MACROD2: variants seen among roughly 807,000 people sequenced by gnomAD.
MACROD2 encodes mono-ADP ribosylhydrolase 2, also known as ADP-ribose glycohydrolase MACROD2.
A neutral mutation model predicts 70.4 loss-of-function variants in MACROD2; 36 were observed. The observed-to-expected ratio is 0.51, with a 90% CI of 0.39 to 0.68. The LOEUF (loss-of-function observed/expected upper bound fraction) is 0.68, where lower values mean the gene tolerates loss of function less well. MACROD2 is among the 30% of genes least tolerant of loss of function. MACROD2 has a pLI of 0.00. For synonymous variants in MACROD2, 172 were observed against 178.8 expected, an observed-to-expected ratio of 0.96 and a Z score of 0.30; for missense variants, 496 against 538.4, an observed-to-expected ratio of 0.92 and a Z score of 0.78.
At chr20:15,283,601 G>C (rs1043201151) in intron 6 of MACROD2, among the ~76,000 whole-genome samples, 1 of 152,110 alleles carries the variant, frequency 6.6e-6, no homozygotes, top group African/African-American at 2.4e-5. Context: ...GAACCTGGGA[G>C]GCAGAGGTTG....
At chr20:15,770,489 A>G (rs570639317) in intron 8 of MACROD2, among the ~76,000 whole-genome samples, 61 of 152,066 alleles carry the variant, frequency 4.0e-4, no homozygotes, top group Non-Finnish European at 7.5e-4. Context: ...CTCTGACTCT[A>G]TTACAGCTTT....
At position 14,702,676 on chromosome 20, in the gene MACROD2, C is replaced by T. The variant is rs1047446067; in HGVS notation, c.418+17717C>T. 7.3e-4 allele frequency among the ~76,000 whole-genome samples: 50 copies of T among 68,482 alleles called. 4 individuals carry two copies. The highest frequency in any genetic ancestry group is 2.6e-3 in the African/African-American group (45 of 17,440). The allele number at this position is 68,482 out of a possible 152,430, so 44.9% of individuals were successfully genotyped here. A position where few individuals can be genotyped will look rare whatever the true frequency, so the allele number is the denominator to read the frequency against. On this transcript the variant is annotated intron_variant, in intron 5 of 17. Transcript: ENST00000684519. ...ACATATATATGTGTATATATATATA[C>T]ACATATATGTGTATATATATGTATA...
chr20:14,523,051 A>G (rs1386337971), intron 4 of MACROD2, among the ~76,000 whole-genome samples: 3 of 152,094 alleles, frequency 2.0e-5, no homozygotes, highest in Non-Finnish European at 4.4e-5. Flanking sequence ...TGCTAAAAAT[A>G]TTTCCTGGCT....
chr20:14,590,859 A>T (rs1410090053), intron 4 of MACROD2, among the ~76,000 whole-genome samples: 1 of 152,146 alleles, frequency 6.6e-6, no homozygotes, highest in East Asian at 1.9e-4. Context: ...TTTAAGTTTC[A>T]GGTAAATGGT....
intron 4 of MACROD2, among the ~76,000 whole-genome samples, chr20:14,617,803 C>T (rs1025057660): frequency 2.0e-5 from 3 of 152,060 alleles, no homozygotes; most frequent in African/African-American, 4.8e-5. Flanking sequence ...AACCCTGAGC[C>T]CTTATAGATG....
At chr20:15,956,897 A>C (rs760083489) in intron 12 of MACROD2, among the ~76,000 whole-genome samples, 10 of 152,198 alleles carry the variant, frequency 6.6e-5, no homozygotes, top group Non-Finnish European at 1.5e-4. Flanking sequence ...AAAAAATACT[A>C]TTCTTACTCT....
chr20:15,138,530 A>G (rs191026905), intron 5 of MACROD2, among the ~76,000 whole-genome samples: 2 of 152,272 alleles, frequency 1.3e-5, no homozygotes, highest in East Asian at 1.9e-4. Context: ...TCTTTACAGA[A>G]GTCTTATTTG....
At position 15,741,364 on chromosome 20, in the gene MACROD2, G is replaced by A. The variant is rs148164721; in HGVS notation, c.646-121381G>A. 7.2e-5 allele frequency among the ~76,000 whole-genome samples: 11 copies of A among 151,758 alleles called. No individual in the cohort carries two copies. In the East Asian group the frequency reaches 2.1e-3, roughly 30 times the overall value. The stretch of plus-strand genomic sequence containing the variant: ...TCTGCCCACCTCAGCCTCCCAAAGT[G>A]CTGGGATTACAGGCATGAGCCACTG... On this transcript the variant is annotated intron_variant, in intron 8 of 17. Coordinates refer to ENST00000684519, the MANE Select transcript of MACROD2 (RefSeq NM_001351661.2).
At chr20:15,991,344 A>G (rs2066556117) in intron 15 of MACROD2, among the ~76,000 whole-genome samples, 1 of 152,216 alleles carries the variant, frequency 6.6e-6, no homozygotes, top group Non-Finnish European at 1.5e-5. Flanking sequence ...GGTTTATCTC[A>G]TCTACAAAGC....
intron 5 of MACROD2, chr20:15,196,992 A>C (rs1231959633): frequency 1.0e-6 from 1 of 985,248 alleles, no homozygotes; most frequent in Non-Finnish European, 1.2e-6. Context: ...TTTTTTGGAA[A>C]CTCAACACTC....
Position 15,265,085 on chromosome 20 carries a change from G to A in MACROD2, c.540+35024G>A, listed in dbSNP as rs1215582918. Among the ~76,000 whole-genome samples the A allele has an allele frequency of 2.0e-5, 3 of 152,272 alleles. No homozygotes were observed. The East Asian group carries it at 5.8e-4, about 29-fold the overall frequency. On this transcript the variant is annotated intron_variant, in intron 6 of 17. Transcript: ENST00000684519. ...TTCTTTTAACAGTATGGCAGCACCT[G>A]GAGAAAACTGTGAAATAGGTATACT...
chr20:15,674,608 C>T (rs1489048263), intron 8 of MACROD2, among the ~76,000 whole-genome samples: 1 of 151,938 alleles, frequency 6.6e-6, no homozygotes, highest in Non-Finnish European at 1.5e-5. Context: ...TGAAATGTGC[C>T]CTCTATCAGT....
chr20:14,862,187 AT>A (rs1568839397), intron 5 of MACROD2, among the ~76,000 whole-genome samples: 2 of 9,190 alleles, frequency 2.2e-4, no homozygotes, highest in African/African-American at 9.0e-4. Context: ...ATAAATATAT[AT>A]TTATACATAA....
chr20:15,982,962 C>T (rs2066423369), intron 13 of MACROD2, among the ~76,000 whole-genome samples: 1 of 152,160 alleles, frequency 6.6e-6, no homozygotes, highest in Admixed American at 6.5e-5. Flanking sequence ...TTGGCCAGGG[C>T]CTTACAGTCT....
chr20:15,631,228 C>T (rs1301885323), intron 8 of MACROD2, among the ~76,000 whole-genome samples: 1 of 152,162 alleles, frequency 6.6e-6, no homozygotes, highest in African/African-American at 2.4e-5. Flanking sequence ...TCTCTTTCAG[C>T]TCCTTAAATA....
intron 6 of MACROD2, among the ~76,000 whole-genome samples, chr20:15,291,876 A>G (rs1487908057): frequency 6.6e-6 from 1 of 152,202 alleles, no homozygotes; most frequent in Non-Finnish European, 1.5e-5. Flanking sequence ...ACTACTACTA[A>G]TAACCAATGC....
intron 5 of MACROD2, among the ~76,000 whole-genome samples, chr20:14,977,731 AG>A (rs1385120745): frequency 2.0e-5 from 3 of 152,158 alleles, no homozygotes; most frequent in Non-Finnish European, 2.9e-5. Context: ...GGCAGCAGTG[AG>A]GATCATAGTG....
intron 5 of MACROD2, among the ~76,000 whole-genome samples, chr20:15,115,103 TCTG>T (rs1395970608): frequency 6.6e-6 from 1 of 152,210 alleles, no homozygotes; most frequent in Non-Finnish European, 1.5e-5. Context: ...GAATTCCTCT[TCTG>T]CTGAAATTAA....
At chr20:14,314,755 C>G (rs986364577) in intron 3 of MACROD2, among the ~76,000 whole-genome samples, 4 of 118,578 alleles carry the variant, frequency 3.4e-5, no homozygotes, top group African/African-American at 1.4e-4. Flanking sequence ...AGTGAGACTT[C>G]GTCTCTAAAT....
Sources: allele counts gnomAD v4.1 joint callset (sites outside exome capture counted in the v4.1 genomes callset), GRCh38; gene constraint gnomAD v4.1.1; transcripts MANE v1.5; gene names NCBI Gene and HGNC (gene_info 2026-07-23, HGNC 2026-07-21).